Variants in PKD1L1 observed in about 807,000 individuals in gnomAD.
PKD1L1 encodes polycystin 1 like 1, transient receptor potential channel interacting, also known as polycystin-1-like protein 1.
In PKD1L1, 236 loss-of-function variants were observed where a neutral mutation model predicts 323.4. The observed-to-expected ratio is 0.73, with a 90% confidence interval of 0.66 to 0.81. PKD1L1 has a LOEUF of 0.81. Ranked by LOEUF, PKD1L1 falls within the 40% of genes least tolerant of loss-of-function variation. PKD1L1 has a pLI of 0.00. For missense variants in PKD1L1, 3,320 were observed against 3,508.0 expected (o/e 0.95, Z 1.35); for synonymous variants, 1,344 against 1,335.0 (o/e 1.01, Z -0.15).
intron 36 of PKD1L1, among the ~76,000 whole-genome samples, chr7:47,837,450 T>C (rs1425270261): frequency 6.6e-6 from 1 of 152,194 alleles, no homozygotes; most frequent in Admixed American, 6.5e-5. Flanking sequence ...GGCCTTCCTC[T>C]GGCACCTCCT....
rs894413715 is a variant in PKD1L1 at position 47,905,795 on chromosome 7, T to C, written c.1522+48A>G. On this transcript the variant is annotated intron_variant, in intron 10 of 56. Coordinates refer to ENST00000289672, the MANE Select transcript of PKD1L1 (RefSeq NM_138295.5). ...TACGGCTTTCCTAATCTCAGCTGAC[T>C]GCGCGAGGGAGGTTTTTGTTAAATC... 8.7e-6 allele frequency: 14 copies of C among 1,604,778 alleles called. 1 individual carries two copies. The Middle Eastern group carries it at 6.6e-4, about 76-fold the overall frequency.
intron 7 of PKD1L1, among the ~76,000 whole-genome samples, chr7:47,924,359 A>G (rs1017564020): frequency 6.6e-6 from 1 of 152,236 alleles, no homozygotes; most frequent in Non-Finnish European, 1.5e-5. Flanking sequence ...GTGAGGGGGT[A>G]GTCTTAGAAC....
At chr7:47,862,388 G>C (rs1786051658) in intron 26 of PKD1L1, among the ~76,000 whole-genome samples, 1 of 152,092 alleles carries the variant, frequency 6.6e-6, no homozygotes, top group Non-Finnish European at 1.5e-5. Context: ...GGGAGACTCA[G>C]GCAGGAGGGA....
In PKD1L1 at chr7:47,811,956, G is replaced by C; in HGVS notation, c.7442C>G (p.Pro2481Arg). ...AVSVHFTLYNPPTQLFTSVSL... is the reference protein window; with the variant it reads ...AVSVHFTLYNRPTQLFTSVSL... Reference sequence around the variant, plus strand: ...CACGCTGGTGAAGAGTTGGGTTGGAGGGTTATAGAGAGTGAAGTGCACAGA... The same window carrying C: ...CACGCTGGTGAAGAGTTGGGTTGGACGGTTATAGAGAGTGAAGTGCACAGA... The change falls in exon 50 of 57, where the codon CCT becomes CGT. Residue 2481 changes from proline (P) to arginine (R), a missense_variant. Coordinates refer to ENST00000289672, the MANE Select transcript of PKD1L1 (RefSeq NM_138295.5). The C allele has an allele frequency of 5.0e-6, 8 of 1,603,202 alleles. No homozygotes were observed. The highest frequency in any genetic ancestry group is 6.8e-6 in the Non-Finnish European group (8 of 1,175,020).
chr7:47,799,266 C>T (rs193269337), intron 54 of PKD1L1, among the ~76,000 whole-genome samples: 24 of 152,196 alleles, frequency 1.6e-4, no homozygotes, highest in Non-Finnish European at 2.9e-4. Flanking sequence ...TGGATTTATG[C>T]ATTCATGGAT....
intron 30 of PKD1L1, among the ~76,000 whole-genome samples, chr7:47,854,379 A>G (rs539135633): frequency 1.3e-5 from 2 of 152,250 alleles, no homozygotes; most frequent in South Asian, 4.2e-4. Flanking sequence ...GGTTTCCATT[A>G]GCACATTTGC....
At chr7:47,874,084 G>A in intron 23 of PKD1L1, 74 bp from the exon 24 acceptor site, 1 of 906,472 alleles carries the variant, frequency 1.1e-6, no homozygotes, top group Non-Finnish European at 1.7e-6. Flanking sequence ...CACACAGACA[G>A]CATCTTCTGG....
chr7:47,865,842 G>T lies in PKD1L1; in HGVS notation c.4093-570C>A, dbSNP rs941861857. Among the ~76,000 whole-genome samples, 43 of 151,048 alleles carry T rather than the reference G, an allele frequency of 2.8e-4. 1 individual carries two copies. On this transcript the variant is annotated intron_variant, in intron 25 of 56. Coordinates refer to ENST00000289672, the MANE Select transcript of PKD1L1 (RefSeq NM_138295.5). ...GATCTCCTGACCTCGTGATCTGCCT[G>T]CCTTGGCCTCCCAAAGTGCTGGGAT...
chr7:47,931,708 C>T (rs1787774109), intron 5 of PKD1L1, among the ~76,000 whole-genome samples: 1 of 152,242 alleles, frequency 6.6e-6, no homozygotes, highest in Non-Finnish European at 1.5e-5. Context: ...CTCTTACAGA[C>T]AGCAAAAATG....
At chr7:47,870,140 C>G (rs568202836) in intron 24 of PKD1L1, among the ~76,000 whole-genome samples, 1 of 150,672 alleles carries the variant, frequency 6.6e-6, no homozygotes, top group Non-Finnish European at 1.5e-5. Flanking sequence ...AAGAAGATGA[C>G]GAATCAATAA....
At chr7:47,882,556 T>C (rs977035526) in intron 19 of PKD1L1, among the ~76,000 whole-genome samples, 3 of 152,068 alleles carry the variant, frequency 2.0e-5, no homozygotes, top group East Asian at 3.9e-4. Flanking sequence ...CCTTCTGAGA[T>C]GGAGGTCAGG....
chr7:47,842,436 G>C (rs1785580552), intron 34 of PKD1L1, among the ~76,000 whole-genome samples: 1 of 152,118 alleles, frequency 6.6e-6, no homozygotes, highest in South Asian at 2.1e-4. Flanking sequence ...CTCTCTGAGG[G>C]ATTTGTGTCA....
chr7:47,922,877 C>A (rs1465341675), intron 7 of PKD1L1, among the ~76,000 whole-genome samples: 3 of 152,160 alleles, frequency 2.0e-5, no homozygotes, highest in African/African-American at 7.2e-5. Flanking sequence ...ATGACGATGG[C>A]GGTTTTGTCG....
intron 56 of PKD1L1, among the ~76,000 whole-genome samples, chr7:47,788,577 A>ATATATATAT (rs939251075): frequency 1.4e-3 from 190 of 138,066 alleles, no homozygotes; most frequent in Middle Eastern, 7.8e-3. Flanking sequence ...ATATATATAT[A>ATATATATAT]TTTTTTTTTT....
At chr7:47,863,826 A>C (rs1322311596) in intron 26 of PKD1L1, among the ~76,000 whole-genome samples, 1 of 152,094 alleles carries the variant, frequency 6.6e-6, no homozygotes, top group Non-Finnish European at 1.5e-5. Flanking sequence ...AGTTTGAGGC[A>C]GGCTGAGCCA....
At chr7:47,856,750 T>C (rs997465770) in intron 28 of PKD1L1, among the ~76,000 whole-genome samples, 6 of 152,258 alleles carry the variant, frequency 3.9e-5, no homozygotes, top group African/African-American at 1.4e-4. Context: ...TATTTTCCTA[T>C]GCTGATTAGC....
chr7:47,827,531 G>A, intron 44 of PKD1L1, 63 bp from the exon 45 acceptor site: 1 of 1,399,062 alleles, frequency 7.1e-7, no homozygotes, highest in Non-Finnish European at 9.8e-7. Flanking sequence ...GGCCCCTGGT[G>A]CTCCTGCCAA....
At chr7:47,872,509 A>T (rs531587796) in intron 24 of PKD1L1, among the ~76,000 whole-genome samples, 1 of 152,236 alleles carries the variant, frequency 6.6e-6, no homozygotes, top group East Asian at 1.9e-4. Flanking sequence ...CCATTATAAA[A>T]ATACAGATAA....
chr7:47,843,262 A>G, intron 33 of PKD1L1, 93 bp from the exon 34 acceptor site: 2 of 944,236 alleles, frequency 2.1e-6, no homozygotes, highest in Non-Finnish European at 3.1e-6. Flanking sequence ...TTACACACAA[A>G]AGTCCCTGCT....
Sources: gnomAD v4.1 joint callset for allele counts (sites outside exome capture counted in the v4.1 genomes callset) on GRCh38, gnomAD v4.1.1 for gene constraint, MANE v1.5 for transcripts, NCBI Gene and HGNC (gene_info 2026-07-23, HGNC 2026-07-21) for gene names.